MDH1B: variants seen among roughly 807,000 people sequenced by gnomAD.
MDH1B encodes putative malate dehydrogenase 1B.
A neutral mutation model predicts 61.4 loss-of-function variants in MDH1B; 60 were observed. The observed-to-expected ratio is 0.98, with a 90% CI of 0.79 to 1.21. The LOEUF (loss-of-function observed/expected upper bound fraction) is 1.21. Ranked by LOEUF, MDH1B falls within the 50% of genes most tolerant of loss-of-function variation. The pLI, the probability that MDH1B is intolerant of heterozygous loss-of-function variation, is 0.00. For missense variants in MDH1B, 587 were observed against 632.1 expected (o/e 0.93, Z 0.76); for synonymous variants, 236 against 218.7 (o/e 1.08, Z -0.70).
rs1687564699 is a variant in MDH1B, at chr2:206,737,806, A to C, written c.*677T>G. 1 of 152,208 alleles carries C rather than the reference A, an allele frequency of 6.6e-6. No individual in the cohort carries two copies. Among genetic ancestry groups the C allele is most frequent in the Admixed American group, 6.5e-5 (1 of 15,274 alleles). The allele number at this position is 152,208 out of a possible 1,614,324, so 9.4% of individuals were successfully genotyped here. A position where few individuals can be genotyped will look rare whatever the true frequency, so the allele number is the denominator to read the frequency against. On this transcript the variant is annotated 3_prime_UTR_variant, in exon 12 of 12. Transcript: ENST00000374412. ...TTTATTCAGGCCATATCTCTTGTCA[A>C]GGAGCAGAAACCTATTCAATCTAAG...
chr2:206,755,248 G>A lies in MDH1B; in HGVS notation c.671C>T (p.Thr224Ile), dbSNP rs1370839463. 20 of 1,614,050 alleles carry A rather than the reference G, an allele frequency of 1.2e-5. No individual in the cohort carries two copies. The highest frequency in any genetic ancestry group is 1.6e-5 in the Non-Finnish European group (19 of 1,180,034). Reference protein sequence around the residue: ...LDDSTNKEVFTLEDCLRSRVP... With the variant: ...LDDSTNKEVFILEDCLRSRVP... ...CCTGCTTCGGAGGCAGTCCTCCAGAGTGAACACCTCCTTGTTGGTGCTGTC... is the reference window on the plus strand; with the variant it reads ...CCTGCTTCGGAGGCAGTCCTCCAGAATGAACACCTCCTTGTTGGTGCTGTC... Residue 224 changes from threonine to isoleucine, a missense_variant, in exon 5 of 12, where the codon ACT (threonine) becomes ATT (isoleucine). Coordinates refer to ENST00000374412, the MANE Select transcript of MDH1B (RefSeq NM_001039845.3).
At chr2:206,746,866 C>A (rs1559336111) in intron 7 of MDH1B, among the ~76,000 whole-genome samples, 1 of 152,100 alleles carries the variant, frequency 6.6e-6, no homozygotes, top group Non-Finnish European at 1.5e-5. Context: ...TTTGGTTATT[C>A]CTTTGCAGCC....
intron 4 of MDH1B, among the ~76,000 whole-genome samples, chr2:206,755,915 C>CTT (rs34981283): frequency 3.6e-5 from 5 of 140,762 alleles, no homozygotes; most frequent in African/African-American, 5.2e-5. Flanking sequence ...ACAATAATGA[C>CTT]TTTTTTTTTT....
At chr2:206,751,264 G>A (rs1688422771) in intron 5 of MDH1B, among the ~76,000 whole-genome samples, 189 bp from the exon 6 acceptor site, 1 of 151,884 alleles carries the variant, frequency 6.6e-6, no homozygotes, top group African/African-American at 2.4e-5. Context: ...GTCATAGTTT[G>A]GCAGTCCCTA....
intron 9 of MDH1B, among the ~76,000 whole-genome samples, chr2:206,742,711 ATTTTTTTTT>A (rs59584383): frequency 6.2e-5 from 6 of 97,214 alleles, no homozygotes; most frequent in Admixed American, 3.4e-4. Flanking sequence ...TGATGTCTCT[ATTTTTTTTT>A]TTTTTTTTTT....
chr2:206,761,015 T>A lies in MDH1B; in HGVS notation c.23-2A>T. The A allele has an allele frequency of 6.6e-7, 1 of 1,516,124 alleles. No homozygotes were observed. Among genetic ancestry groups the A allele is most frequent in the Non-Finnish European group, 9.1e-7 (1 of 1,098,418 alleles). The allele number at this position is 1,516,124 out of a possible 1,614,324, so 93.9% of individuals were successfully genotyped here. A position where few individuals can be genotyped will look rare whatever the true frequency, so the allele number is the denominator to read the frequency against. On this transcript the variant is annotated splice_acceptor_variant, in intron 1 of 11. Transcript: ENST00000374412. LOFTEE classifies it high-confidence loss of function. ...CATAATATGGACAATCTGCTCTACC[T>A]AAAAGAGTTCAAATTAGCAATGTTT... is the stretch of plus-strand genomic sequence containing the variant.
chr2:206,747,205 G>A (rs921559740), intron 7 of MDH1B, among the ~76,000 whole-genome samples: 5 of 152,078 alleles, frequency 3.3e-5, no homozygotes, highest in African/African-American at 7.2e-5. Flanking sequence ...GAGGACATTC[G>A]AGAAACCAAG....
intron 9 of MDH1B, among the ~76,000 whole-genome samples, chr2:206,743,604 C>T (rs1687934442): frequency 6.6e-6 from 1 of 152,164 alleles, no homozygotes; most frequent in Non-Finnish European, 1.5e-5. Flanking sequence ...ATGCAGTTCT[C>T]CATGTGACAT....
chr2:206,751,781 A>G (rs1293514812), intron 5 of MDH1B, among the ~76,000 whole-genome samples: 1 of 152,262 alleles, frequency 6.6e-6, no homozygotes, highest in East Asian at 1.9e-4. Flanking sequence ...AGAGAGAAAT[A>G]GGCATTGGCA....
chr2:206,744,984 G>C (rs951792528), intron 9 of MDH1B, among the ~76,000 whole-genome samples: 17 of 151,540 alleles, frequency 1.1e-4, no homozygotes, highest in African/African-American at 3.6e-4. Flanking sequence ...CTAACGCCTG[G>C]TACCTATGAA....
intron 9 of MDH1B, among the ~76,000 whole-genome samples, chr2:206,743,819 T>C (rs2359721): frequency 0.29 from 43,687 of 152,000 alleles, 8,546 homozygotes; most frequent in East Asian, 0.57. Flanking sequence ...TGCCCAGTTG[T>C]TCAGCCAGAA....
chr2:206,744,096 C>T (rs1687957167), intron 9 of MDH1B, among the ~76,000 whole-genome samples: 1 of 152,188 alleles, frequency 6.6e-6, no homozygotes, highest in South Asian at 2.1e-4. Flanking sequence ...TCTCTTCTGG[C>T]TTTGGCCACA....
chr2:206,764,365 T>C (rs1399851596), intron 1 of MDH1B, among the ~76,000 whole-genome samples: 1 of 151,834 alleles, frequency 6.6e-6, no homozygotes, highest in Non-Finnish European at 1.5e-5. Flanking sequence ...AGAGATCAAA[T>C]AAGTCAAAGA....
Position 206,756,979 on chromosome 2 carries a change from T to C in MDH1B, c.332A>G (p.Asn111Ser), listed in dbSNP as rs975576821. ...TELMMVIAQE[N>S]LGAHIEKEQE... The stretch of plus-strand genomic sequence containing the variant: ...CTCTTTTTCTATATGTGCCCCCAGG[T>C]TCTCTTGAGCAATTACCATCATCAG... The change falls in exon 4 of 12, where the codon AAC becomes AGC. Residue 111 changes from asparagine (N) to serine (S), a missense_variant. Coordinates refer to ENST00000374412, the MANE Select transcript of MDH1B (RefSeq NM_001039845.3). The C allele has an allele frequency of 6.2e-7, 1 of 1,613,972 alleles. No individual in the cohort carries two copies. The highest frequency in any genetic ancestry group is 8.5e-7 in the Non-Finnish European group (1 of 1,179,988).
intron 5 of MDH1B, among the ~76,000 whole-genome samples, chr2:206,753,044 C>T (rs1688544321): frequency 1.3e-5 from 2 of 152,146 alleles, no homozygotes; most frequent in South Asian, 4.2e-4. Flanking sequence ...AGAAAGCCCT[C>T]ATTCTCCTGG....
chr2:206,739,339 A>G (rs1687675882), intron 11 of MDH1B, among the ~76,000 whole-genome samples: 1 of 151,990 alleles, frequency 6.6e-6, no homozygotes, highest in South Asian at 2.1e-4. Context: ...GCACAAATCT[A>G]GGAGGCTGAG....
At chr2:206,740,908 T>G in intron 10 of MDH1B, 146 bp downstream of exon 10, 1 of 1,143,294 alleles carries the variant, frequency 8.7e-7, no homozygotes, top group Non-Finnish European at 1.2e-6. Context: ...TATGCCCATT[T>G]CAAAGTGTTT....
chr2:206,758,801 G>A (rs562250456), intron 2 of MDH1B, among the ~76,000 whole-genome samples: 4 of 151,712 alleles, frequency 2.6e-5, no homozygotes, highest in Admixed American at 6.6e-5. Context: ...ACTAGTGAAC[G>A]TGGTACTATG....
intron 5 of MDH1B, among the ~76,000 whole-genome samples, chr2:206,754,620 T>C (rs1688648632): frequency 1.3e-5 from 2 of 152,164 alleles, no homozygotes; most frequent in South Asian, 4.1e-4. Context: ...ACTGAAAGAC[T>C]AAATGACGGC....
Sources: gnomAD v4.1 joint callset for allele counts (sites outside exome capture counted in the v4.1 genomes callset) on GRCh38, gnomAD v4.1.1 for gene constraint, MANE v1.5 for transcripts, NCBI Gene and HGNC (gene_info 2026-07-23, HGNC 2026-07-21) for gene names.